SLC22A13: variants seen among roughly 807,000 people sequenced by gnomAD.
SLC22A13 encodes organic anion transporter 10.
A neutral mutation model predicts 49.1 loss-of-function variants in SLC22A13; 42 were observed. The ratio of observed to expected loss-of-function variants is 0.85; its 90% CI spans 0.67 to 1.11. The LOEUF is 1.11. Ranked by LOEUF, SLC22A13 falls within the 50% of genes least tolerant of loss-of-function variation. The pLI is 0.00. For missense variants in SLC22A13, 694 were observed against 712.8 expected, an observed-to-expected ratio of 0.97 and a Z score of 0.30; for synonymous variants, 282 against 293.1, an observed-to-expected ratio of 0.96 and a Z score of 0.39.
In SLC22A13 at chr3:38,277,008, C is replaced by G. The variant is rs72551366; in HGVS notation, c.1443C>G (p.Pro481=). Residue 481 remains proline (P), a synonymous_variant, in exon 9 of 10, where the codon CCC becomes CCG. Coordinates refer to ENST00000311856, the MANE Select transcript of SLC22A13 (RefSeq NM_004256.4). ...ILLGEYHAAL[P]MLIYGSLPIV... ...TGGGAGAGTACCACGCTGCCCTCCC[C>G]ATGCTCATCTACGGCAGCCTCCCCA... is the stretch of plus-strand genomic sequence containing the variant. The G allele has an allele frequency of 1.1e-3, 1,772 of 1,610,916 alleles. 8 individuals carry two copies. The African/African-American group carries it at 0.022, about 20-fold the overall frequency.
intron 4 of SLC22A13, 85 bp downstream of exon 4, chr3:38,275,242 A>G: frequency 1.4e-5 from 23 of 1,592,726 alleles, no homozygotes; most frequent in Non-Finnish European, 1.9e-5. Context: ...TGTTCATAGG[A>G]CAGTCAGAGG....
In SLC22A13 at chr3:38,277,038, G is replaced by A. The variant is rs893960094; in HGVS notation, c.1473G>A (p.Val491=). The A allele has an allele frequency of 6.2e-7, 1 of 1,600,372 alleles. No individual in the cohort carries two copies. Among genetic ancestry groups the A allele is most frequent in the Non-Finnish European group, 8.5e-7 (1 of 1,173,724 alleles). The change falls in exon 9 of 10, where the codon GTG becomes GTA. Residue 491 remains valine, a synonymous_variant. Transcript: ENST00000311856. ...TCATCTACGGCAGCCTCCCCATCGTGGCCGGCCTGCTGTGCACCCTGCTGC... is the reference window on the plus strand; with the variant it reads ...TCATCTACGGCAGCCTCCCCATCGTAGCCGGCCTGCTGTGCACCCTGCTGC... ...PMLIYGSLPI[V]AGLLCTLLPE... is the part of the protein sequence containing the mutation.
Position 38,277,052 on chromosome 3 carries a change from G to T in SLC22A13, c.1487G>T (p.Cys496Phe), listed in dbSNP as rs767374699. 7.5e-6 allele frequency: 12 copies of T among 1,594,162 alleles called. No homozygotes were observed. The highest frequency in any genetic ancestry group is 8.5e-6 in the Non-Finnish European group (10 of 1,170,412). The change falls in exon 9 of 10, where the codon TGC becomes TTC. Residue 496 changes from cysteine (C) to phenylalanine (F), a missense_variant. Transcript: ENST00000311856. ...GSLPIVAGLL[C>F]TLLPETHGQG... ...CTCCCCATCGTGGCCGGCCTGCTGT[G>T]CACCCTGCTGCCAGAGACGCATGGC... is the stretch of plus-strand genomic sequence containing the variant.
chr3:38,275,504 G>A lies in SLC22A13; in HGVS notation c.927+14G>A, dbSNP rs1327222151. Reference sequence around the variant, plus strand: ...CTCATGAACCAGGTACTTCCAGCAGGCCCAGGCCCAGGCCCAGAATCAGAC... The same window carrying A: ...CTCATGAACCAGGTACTTCCAGCAGACCCAGGCCCAGGCCCAGAATCAGAC... On this transcript the variant is annotated intron_variant, in intron 5 of 9. Transcript: ENST00000311856. 6.2e-7 allele frequency: 1 copy of A among 1,613,880 alleles called. No individual in the cohort carries two copies. The highest frequency in any genetic ancestry group is 1.3e-5 in the African/African-American group (1 of 74,932).
rs781257343 is a variant in SLC22A13, at chr3:38,265,980, C to G, written c.120C>G (p.Val40=). The G allele has an allele frequency of 1.2e-5, 19 of 1,614,148 alleles. 1 individual carries two copies. The South Asian group carries it at 2.1e-4, about 18-fold the overall frequency. ...CTCCCTTCTACTTTTTTGCCCATGT[C>G]TTCATGGTCCTAGATGAGCCCCACC... ...FLSPFYFFAH[V]FMVLDEPHHC... The change falls in exon 1 of 10, where the codon GTC becomes GTG. Residue 40 remains valine (V), a synonymous_variant. Coordinates refer to ENST00000311856, the MANE Select transcript of SLC22A13 (RefSeq NM_004256.4).
At chr3:38,268,960 AC>A (rs1703490603) in intron 1 of SLC22A13, among the ~76,000 whole-genome samples, 1 of 152,144 alleles carries the variant, frequency 6.6e-6, no homozygotes, top group African/African-American at 2.4e-5. Flanking sequence ...AAACAAACAA[AC>A]AAACAAAAAA....
intron 1 of SLC22A13, among the ~76,000 whole-genome samples, chr3:38,273,833 A>T (rs1443430178): frequency 6.6e-6 from 1 of 152,234 alleles, no homozygotes; most frequent in Non-Finnish European, 1.5e-5. Flanking sequence ...TAACTTACTG[A>T]TAAGATGTAT....
In SLC22A13 at chr3:38,274,602, A is replaced by G. The variant is rs201253206; in HGVS notation, c.483-2A>G. The G allele has an allele frequency of 6.2e-7, 1 of 1,613,010 alleles. No homozygotes were observed. The highest frequency in any genetic ancestry group is 8.5e-7 in the Non-Finnish European group (1 of 1,179,668). ...CCCCACAGACCTGCCCTGTTTCCTC[A>G]GGATTGGCCGCAAGGCCACAATCCT... On this transcript the variant is annotated splice_acceptor_variant, in intron 2 of 9. Transcript: ENST00000311856. LOFTEE classifies it high-confidence loss of function.
At chr3:38,266,877 A>T (rs1703469010) in intron 1 of SLC22A13, among the ~76,000 whole-genome samples, 1 of 152,214 alleles carries the variant, frequency 6.6e-6, no homozygotes, top group South Asian at 2.1e-4. Flanking sequence ...ACCTCCGAGC[A>T]AGAGGGGCCC....
At chr3:38,269,979 G>T (rs1256615495) in intron 1 of SLC22A13, among the ~76,000 whole-genome samples, 1 of 148,804 alleles carries the variant, frequency 6.7e-6, no homozygotes, top group African/African-American at 2.5e-5. Context: ...TTGGTTTTTT[G>T]TTCTTGCGAT....
Position 38,275,566 on chromosome 3 carries a change from T to G in SLC22A13, c.928-12T>G. The G allele has an allele frequency of 6.2e-7, 1 of 1,614,084 alleles. No homozygotes were observed. The highest frequency in any genetic ancestry group is 8.5e-7 in the Non-Finnish European group (1 of 1,179,940). On this transcript the variant is annotated splice_polypyrimidine_tract_variant and intron_variant, in intron 5 of 9. Coordinates refer to ENST00000311856, the MANE Select transcript of SLC22A13 (RefSeq NM_004256.4). ...TTCCTGCCTGGCTTCTCACTCTGCTTCTTCCTCCCAGCTGGTCCCAGAGAA... is the reference window on the plus strand; with the variant it reads ...TTCCTGCCTGGCTTCTCACTCTGCTGCTTCCTCCCAGCTGGTCCCAGAGAA...
intron 1 of SLC22A13, among the ~76,000 whole-genome samples, chr3:38,268,974 C>T (rs1186000099): frequency 6.6e-6 from 1 of 152,000 alleles, no homozygotes; most frequent in Non-Finnish European, 1.5e-5. Context: ...ACAAAAAAAA[C>T]AGCATTAAGA....
intron 1 of SLC22A13, among the ~76,000 whole-genome samples, chr3:38,269,872 C>T (rs1703501680): frequency 8.4e-6 from 1 of 119,706 alleles, no homozygotes. Flanking sequence ...CCCCCCTCCC[C>T]CCACCCCACA....
rs745686351 is a variant in SLC22A13, at chr3:38,275,127, C to T, written c.776C>T (p.Ala259Val). ...AGGCTCCTTCAGATCACCGGCACTGCGCCTGGCTTACTGCTCTTCTTCTAC... is the reference window on the plus strand; with the variant it reads ...AGGCTCCTTCAGATCACCGGCACTGTGCCTGGCTTACTGCTCTTCTTCTAC... ...NWRLLQITGT[A>V]PGLLLFFYFW... The change falls in exon 4 of 10, where the codon GCG (alanine) becomes GTG (valine). Residue 259 changes from alanine (A) to valine (V), a missense_variant. Transcript: ENST00000311856. 50 of 1,614,104 alleles carry T rather than the reference C, an allele frequency of 3.1e-5. No individual in the cohort carries two copies. Among genetic ancestry groups the T allele is most frequent in the African/African-American group, 1.2e-4 (9 of 74,940 alleles).
At position 38,275,869 on chromosome 3, in the gene SLC22A13, C is replaced by T. The variant is rs1703575138; in HGVS notation, c.1023-13C>T. On this transcript the variant is annotated splice_polypyrimidine_tract_variant and intron_variant, in intron 6 of 9. Transcript: ENST00000311856. Reference sequence around the variant, plus strand: ...TCACCCAGCAGTGACAGGAACCCTTCATTACCTTGTAGGTTTGTGGACAGT... The same window carrying T: ...TCACCCAGCAGTGACAGGAACCCTTTATTACCTTGTAGGTTTGTGGACAGT... 2 of 1,611,988 alleles carry T rather than the reference C, an allele frequency of 1.2e-6. No individual in the cohort carries two copies. The highest frequency in any genetic ancestry group is 1.7e-6 in the Non-Finnish European group (2 of 1,178,318).
intron 8 of SLC22A13, 145 bp downstream of exon 8, chr3:38,276,540 A>G: frequency 1.6e-6 from 1 of 634,914 alleles, no homozygotes; most frequent in South Asian, 2.0e-5. Flanking sequence ...ACAACTAGAA[A>G]TCTAGCCCAA....
intron 9 of SLC22A13, 52 bp downstream of exon 9, chr3:38,277,179 G>C (rs540061725): frequency 1.4e-6 from 2 of 1,391,774 alleles, no homozygotes; most frequent in Non-Finnish European, 2.0e-6. Context: ...CATTGGCCAC[G>C]CACTCTATAT....
At position 38,275,607 on chromosome 3, in the gene SLC22A13, G is replaced by A. The variant is rs749919922; in HGVS notation, c.957G>A (p.Gly319=). ...TCCCAGAGAAGACAGGCCCCTCAGG[G>A]AATGCCCTGGATCTGTTCAGACACC... ...QLVPEKTGPS[G]NALDLFRHPQ... The change falls in exon 6 of 10, where the codon GGG becomes GGA. Residue 319 remains glycine, a synonymous_variant. Transcript: ENST00000311856. 14 of 1,614,176 alleles carry A rather than the reference G, an allele frequency of 8.7e-6. No homozygotes were observed. The highest frequency in any genetic ancestry group is 1.3e-5 in the African/African-American group (1 of 75,064).
chr3:38,272,093 T>C (rs1259477775), intron 1 of SLC22A13, among the ~76,000 whole-genome samples: 1 of 152,232 alleles, frequency 6.6e-6, no homozygotes, highest in Non-Finnish European at 1.5e-5. Context: ...TCTCTGCTGC[T>C]GCACAAGGGG....
Sources: allele counts gnomAD v4.1 joint callset (sites outside exome capture counted in the v4.1 genomes callset), GRCh38; gene constraint gnomAD v4.1.1; transcripts MANE v1.5; gene names NCBI Gene and HGNC (gene_info 2026-07-23, HGNC 2026-07-21).